Variants in RAI14 observed in about 807,000 individuals in gnomAD.
RAI14 encodes retinoic acid induced 14.
RAI14 carries 45 observed loss-of-function variants against 115.4 expected under a neutral mutation model. That is an observed-to-expected ratio of 0.39 (90% confidence interval 0.31 to 0.50). The LOEUF (loss-of-function observed/expected upper bound fraction) is 0.50, where lower values mean the gene tolerates loss of function less well. RAI14 is among the 20% of genes least tolerant of loss of function. RAI14 has a pLI of 0.85. For synonymous variants in RAI14, 371 were observed against 415.4 expected (o/e 0.89, Z 1.30); for missense variants, 939 against 1,131.2 (o/e 0.83, Z 2.44).
At chr5:34,743,060 C>T (rs1317426742) in intron 2 of RAI14, among the ~76,000 whole-genome samples, 3 of 152,208 alleles carry the variant, frequency 2.0e-5, no homozygotes, top group African/African-American at 7.2e-5. Flanking sequence ...AGGCTGCTGT[C>T]AGACTGCAGT....
rs1416460949 is a variant in RAI14 at position 34,832,289 on chromosome 5, G to C, written c.*1524G>C. ...AAAGCAAAAATGGCTTTAAAGCTTG[G>C]TGTTACTTTTCTTAAGTTGTTTAAT... On this transcript the variant is annotated 3_prime_UTR_variant, in exon 18 of 18. Transcript: ENST00000265109. 1 of 152,576 alleles carries C rather than the reference G, an allele frequency of 6.6e-6. No individual in the cohort carries two copies. The highest frequency in any genetic ancestry group is 1.5e-5 in the Non-Finnish European group (1 of 68,038). The allele number at this position is 152,576 out of a possible 1,614,324, so 9.5% of individuals were successfully genotyped here.
intron 3 of RAI14, among the ~76,000 whole-genome samples, chr5:34,792,836 T>C (rs1266455859): frequency 6.6e-6 from 1 of 152,228 alleles, no homozygotes; most frequent in African/African-American, 2.4e-5. Context: ...CAGTAAGTGA[T>C]GCAGCTTTAG....
intron 3 of RAI14, among the ~76,000 whole-genome samples, chr5:34,788,274 T>G (rs1038803884): frequency 5.9e-5 from 9 of 152,094 alleles, no homozygotes; most frequent in Non-Finnish European, 1.2e-4. Flanking sequence ...ACCTGTCTTG[T>G]GCATTGTAGA....
chr5:34,708,346 G>A (rs1338153686), intron 2 of RAI14, among the ~76,000 whole-genome samples: 1 of 152,102 alleles, frequency 6.6e-6, no homozygotes, highest in Non-Finnish European at 1.5e-5. Context: ...GGGATTACAG[G>A]CATGCGCCAC....
chr5:34,679,349 G>T (rs1194479910), intron 1 of RAI14, among the ~76,000 whole-genome samples: 2 of 152,192 alleles, frequency 1.3e-5, no homozygotes. Flanking sequence ...ATTCATTCAG[G>T]CAGTGCAAAG....
At chr5:34,674,074 C>G (rs1191186959) in intron 1 of RAI14, among the ~76,000 whole-genome samples, 1 of 152,006 alleles carries the variant, frequency 6.6e-6, no homozygotes, top group Non-Finnish European at 1.5e-5. Context: ...GGCCTACCTT[C>G]ATGTGAGCCA....
Position 34,812,255 on chromosome 5 carries a change from G to T in RAI14, c.765+47G>T, listed in dbSNP as rs956783968. On this transcript the variant is annotated intron_variant, in intron 10 of 17. Coordinates refer to ENST00000265109, the MANE Select transcript of RAI14 (RefSeq NM_015577.3). ...TTCTATGTTTCATTTATGCTTGTGGGAATTTAAAAATGTTCAGATTTAACC... is the reference window on the plus strand; with the variant it reads ...TTCTATGTTTCATTTATGCTTGTGGTAATTTAAAAATGTTCAGATTTAACC... The T allele has an allele frequency of 4.6e-6, 7 of 1,505,588 alleles. No homozygotes were observed. In the African/African-American group the frequency reaches 9.9e-5, roughly 21 times the overall value. The allele number at this position is 1,505,588 out of a possible 1,614,324, so 93.3% of individuals were successfully genotyped here. A position where few individuals can be genotyped will look rare whatever the true frequency, so the allele number is the denominator to read the frequency against.
chr5:34,780,777 G>A (rs1751515878), intron 3 of RAI14, among the ~76,000 whole-genome samples: 2 of 152,204 alleles, frequency 1.3e-5, no homozygotes, highest in Non-Finnish European at 2.9e-5. Flanking sequence ...TGGTGGGACT[G>A]TAAACTAGTT....
chr5:34,780,239 C>G (rs1294433111), intron 3 of RAI14, among the ~76,000 whole-genome samples: 2 of 152,198 alleles, frequency 1.3e-5, no homozygotes, highest in African/African-American at 4.8e-5. Context: ...GGATTAAAGA[C>G]TTAAATGTTA....
intron 2 of RAI14, among the ~76,000 whole-genome samples, chr5:34,739,515 A>T (rs1445952889): frequency 6.6e-6 from 1 of 152,204 alleles, no homozygotes; most frequent in African/African-American, 2.4e-5. Context: ...GTCAAGATGA[A>T]ACTGTCAAGA....
chr5:34,787,835 T>G (rs1017740843), intron 3 of RAI14, among the ~76,000 whole-genome samples: 1 of 151,274 alleles, frequency 6.6e-6, no homozygotes, highest in Non-Finnish European at 1.5e-5. Flanking sequence ...ATTATGTTTT[T>G]AGTATATACA....
intron 1 of RAI14, among the ~76,000 whole-genome samples, chr5:34,661,466 A>G (rs903336468): frequency 2.0e-5 from 3 of 152,252 alleles, no homozygotes; most frequent in African/African-American, 7.2e-5. Flanking sequence ...TTCGCCTTTA[A>G]CACTTACTGG....
chr5:34,764,593 T>C (rs369740718), intron 3 of RAI14, among the ~76,000 whole-genome samples: 4 of 152,102 alleles, frequency 2.6e-5, no homozygotes, highest in African/African-American at 9.6e-5. Flanking sequence ...CATCCCTGTA[T>C]ACATGCAATA....
rs565591322 is a variant in RAI14, at chr5:34,704,276, G to T, written c.36+17321G>T. On this transcript the variant is annotated intron_variant, in intron 2 of 17. Coordinates refer to ENST00000265109, the MANE Select transcript of RAI14 (RefSeq NM_015577.3). ...GGCAAGCAAATAATTTACAGATTATGGCACTTTGAATAGAAAGAGGTTTAA... is the reference window on the plus strand; with the variant it reads ...GGCAAGCAAATAATTTACAGATTATTGCACTTTGAATAGAAAGAGGTTTAA... Among the ~76,000 whole-genome samples, 4 of 152,322 alleles carry T rather than the reference G, an allele frequency of 2.6e-5. No homozygotes were observed. In the South Asian group the frequency reaches 8.3e-4, roughly 32 times the overall value.
At chr5:34,657,188 A>C (rs1742338802) in intron 1 of RAI14, 1 of 137,812 alleles carries the variant, frequency 7.3e-6, no homozygotes, top group South Asian at 2.6e-4. Flanking sequence ...AGTAAGGAGG[A>C]CGTGGAGCCA....
intron 2 of RAI14, among the ~76,000 whole-genome samples, chr5:34,722,785 G>A (rs1373380060): frequency 1.3e-5 from 2 of 151,254 alleles, no homozygotes; most frequent in Non-Finnish European, 1.5e-5. Context: ...GGTGGAGGTT[G>A]CAGTGAGCCA....
chr5:34,800,908 C>G (rs1754182222), intron 4 of RAI14, among the ~76,000 whole-genome samples: 1 of 152,180 alleles, frequency 6.6e-6, no homozygotes, highest in South Asian at 2.1e-4. Context: ...CTCCATCTTA[C>G]AATCAGGATG....
intron 2 of RAI14, among the ~76,000 whole-genome samples, chr5:34,693,019 T>C (rs893775854): frequency 3.9e-5 from 6 of 152,190 alleles, no homozygotes; most frequent in Non-Finnish European, 5.9e-5. Context: ...CCCCGATCTC[T>C]GCTTTCATCT....
At chr5:34,792,905 G>A (rs1580277656) in intron 3 of RAI14, among the ~76,000 whole-genome samples, 1 of 152,136 alleles carries the variant, frequency 6.6e-6, no homozygotes, top group East Asian at 1.9e-4. Context: ...TGTTTTCTCA[G>A]CAGGACACAA....
Sources: gnomAD v4.1 joint callset for allele counts (sites outside exome capture counted in the v4.1 genomes callset) on GRCh38, gnomAD v4.1.1 for gene constraint, MANE v1.5 for transcripts, NCBI Gene and HGNC (gene_info 2026-07-23, HGNC 2026-07-21) for gene names.